Variants in CCDC136 observed in about 807,000 individuals in gnomAD.
CCDC136 encodes the protein coiled-coil domain-containing protein 136.
Under a neutral mutation model 141.2 loss-of-function variants are expected in CCDC136, and 100 were observed. The observed-to-expected ratio is 0.71, with a 90% CI of 0.60 to 0.84. The LOEUF (loss-of-function observed/expected upper bound fraction) is 0.84. Ranked by LOEUF, CCDC136 falls within the 40% of genes least tolerant of loss-of-function variation. CCDC136 has a pLI of 0.00. For missense variants in CCDC136, 1,206 were observed against 1,379.4 expected, an observed-to-expected ratio of 0.87 and a Z score of 1.99; for synonymous variants, 474 against 531.9, an observed-to-expected ratio of 0.89 and a Z score of 1.50.
chr7:128,803,176 A>G (rs994855932), intron 4 of CCDC136, among the ~76,000 whole-genome samples: 7 of 152,062 alleles, frequency 4.6e-5, no homozygotes, highest in African/African-American at 1.2e-4. Flanking sequence ...TTCTTTTTCA[A>G]TTTTTTGCTA....
Position 128,821,704 on chromosome 7 carries a change from C to A in CCDC136, c.*6-95C>A. 2.1e-6 allele frequency: 2 copies of A among 941,992 alleles called. No homozygotes were observed. Among genetic ancestry groups the A allele is most frequent in the Non-Finnish European group, 2.9e-6 (2 of 678,386 alleles). The allele number at this position is 941,992 out of a possible 1,614,324, so 58.4% of individuals were successfully genotyped here. A position where few individuals can be genotyped will look rare whatever the true frequency, so the allele number is the denominator to read the frequency against. ...GTAACAGAGACTGATCCACAATGTTCCTGAGGTGTCTTGGGCACCCATAGG... is the reference window on the plus strand; with the variant it reads ...GTAACAGAGACTGATCCACAATGTTACTGAGGTGTCTTGGGCACCCATAGG... On this transcript the variant is annotated intron_variant, in intron 17 of 17. Transcript: ENST00000297788. The surrounding 1 kb of genome is among the most constrained non-coding windows in gnomAD (Gnocchi z 5.1).
rs747644635 is a variant in CCDC136 at position 128,818,612 on chromosome 7, G to C, written c.*5+748G>C. ...GGCTTCCCCAGCTAGGTTTTCTGGA[G>C]AGAATGAGGTATTAGTGAAAAGTTT... On this transcript the variant is annotated intron_variant, in intron 17 of 17. Coordinates refer to ENST00000297788, the MANE Select transcript of CCDC136 (RefSeq NM_022742.5). Among the ~76,000 whole-genome samples, 17 of 152,294 alleles carry C rather than the reference G, an allele frequency of 1.1e-4. 1 individual carries two copies. The highest frequency in any genetic ancestry group is 3.4e-3 in the Middle Eastern group (1 of 294).
chr7:128,814,958 G>C, intron 15 of CCDC136, 39 bp downstream of exon 15: 1 of 1,494,694 alleles, frequency 6.7e-7, no homozygotes, highest in Non-Finnish European at 9.0e-7. Flanking sequence ...GCAGAAAGGA[G>C]GAGGAGATCC....
At position 128,812,310 on chromosome 7, in the gene CCDC136, G is replaced by T; in HGVS notation, c.2539G>T (p.Glu847Ter). ...GGAACCTGCTGAGCCTGAAGACATGGAGGTAATGGTTGCCAGGTGACAGGT... is the reference window on the plus strand; with the variant it reads ...GGAACCTGCTGAGCCTGAAGACATGTAGGTAATGGTTGCCAGGTGACAGGT... ...DEEPAEPEDM[E>*]RFEEMVVKVL... The change falls in exon 13 of 18, where the codon GAG becomes TAG. Residue 847 changes from glutamate (E) to a stop codon, truncating the protein, a stop_gained and splice_region_variant. Transcript: ENST00000297788. LOFTEE classifies it high-confidence loss of function. 6.2e-7 allele frequency: 1 copy of T among 1,610,184 alleles called. No individual in the cohort carries two copies. Among genetic ancestry groups the T allele is most frequent in the African/African-American group, 1.3e-5 (1 of 74,990 alleles).
Position 128,815,675 on chromosome 7 carries a change from A to T in CCDC136, c.3107A>T (p.Glu1036Val), listed in dbSNP as rs377595539. The T allele has an allele frequency of 5.1e-6, 8 of 1,555,578 alleles. No individual in the cohort carries two copies. The African/African-American group carries it at 1.1e-4, about 21-fold the overall frequency. ...AGGAAATTAGATGGACTAGCAAAAG[A>T]GGAGGAAAAGAAAGAGGAGATGGAG... is the stretch of plus-strand genomic sequence containing the variant. The part of the protein sequence containing the change: ...SQRKLDGLAK[E>V]EEKKEEMEEE... The change falls in exon 16 of 18, where the codon GAG becomes GTG. Residue 1036 changes from glutamate to valine, a missense_variant. Coordinates refer to ENST00000297788, the MANE Select transcript of CCDC136 (RefSeq NM_022742.5).
At chr7:128,813,488 G>C (rs556567556) in intron 14 of CCDC136, among the ~76,000 whole-genome samples, 1 of 152,252 alleles carries the variant, frequency 6.6e-6, no homozygotes, top group South Asian at 2.1e-4. Context: ...GGCTAGTATT[G>C]GTACCTACTG....
intron 3 of CCDC136, among the ~76,000 whole-genome samples, chr7:128,798,581 A>G (rs1803475132): frequency 6.6e-6 from 1 of 152,002 alleles, no homozygotes; most frequent in Non-Finnish European, 1.5e-5. Flanking sequence ...GGCCAGAAGC[A>G]CCTAAGAGAG....
intron 15 of CCDC136, 26 bp from the exon 16 acceptor site, chr7:128,815,588 C>G: frequency 2.6e-6 from 4 of 1,535,402 alleles, no homozygotes; most frequent in Non-Finnish European, 3.5e-6. Context: ...ACGCAGCCGC[C>G]ATCCTGCCCT....
chr7:128,805,793 A>G lies in CCDC136; in HGVS notation c.981A>G (p.Leu327=). 3.1e-6 allele frequency: 5 copies of G among 1,613,268 alleles called. No homozygotes were observed. The highest frequency in any genetic ancestry group is 4.2e-6 in the Non-Finnish European group (5 of 1,179,596). ...CQELCCELEE[L]QHHRQVSEEE... ...AATTGTGTTGTGAGTTGGAAGAGCT[A>G]CAGCATCATCGCCAGGTCAGTGAGG... Residue 327 remains leucine, a synonymous_variant, in exon 7 of 18, where the codon CTA becomes CTG. Coordinates refer to ENST00000297788, the MANE Select transcript of CCDC136 (RefSeq NM_022742.5). This position sits in a 1 kb window ranked among gnomAD's most constrained non-coding sequence, Gnocchi z 4.6.
chr7:128,794,160 G>A lies in CCDC136; in HGVS notation c.17-188G>A. 1.3e-6 allele frequency: 1 copy of A among 741,666 alleles called. No individual in the cohort carries two copies. Among genetic ancestry groups the A allele is most frequent in the Non-Finnish European group, 2.3e-6 (1 of 427,070 alleles). 45.9% of individuals were successfully genotyped at this position (741,666 alleles called of 1,614,324 possible). On this transcript the variant is annotated intron_variant, in intron 1 of 17. Coordinates refer to ENST00000297788, the MANE Select transcript of CCDC136 (RefSeq NM_022742.5). This position sits in a 1 kb window ranked among gnomAD's most constrained non-coding sequence, Gnocchi z 4.3. ...GAAGGGCCTGGGAGGTGGAGGGGCT[G>A]CTTCTCAACTTGACTCTCACACCTG...
At chr7:128,796,737 A>ATTTTTTT in intron 3 of CCDC136, among the ~76,000 whole-genome samples, 1 of 119,116 alleles carries the variant, frequency 8.4e-6, no homozygotes, top group Non-Finnish European at 1.6e-5. Context: ...ATATATATAT[A>ATTTTTTT]TATTCTTTTT....
At chr7:128,813,868 G>A (rs1256103945) in intron 14 of CCDC136, among the ~76,000 whole-genome samples, 4 of 152,046 alleles carry the variant, frequency 2.6e-5, no homozygotes, top group Non-Finnish European at 4.4e-5. Context: ...TGTAATGCCA[G>A]CTACTCAAGA....
In CCDC136 at chr7:128,805,682, C is replaced by T; in HGVS notation, c.949-79C>T. The T allele has an allele frequency of 6.3e-7, 1 of 1,585,886 alleles. No homozygotes were observed. The highest frequency in any genetic ancestry group is 8.6e-7 in the Non-Finnish European group (1 of 1,161,524). ...TGTAAATCTTCCAGTCAAAGAGCGC[C>T]ATGCTTTCCCCAAGCTTGTTCTTGG... On this transcript the variant is annotated intron_variant, in intron 6 of 17. Coordinates refer to ENST00000297788, the MANE Select transcript of CCDC136 (RefSeq NM_022742.5). This position sits in a 1 kb window ranked among gnomAD's most constrained non-coding sequence, Gnocchi z 4.6.
rs889618040 is a variant in CCDC136 at position 128,809,757 on chromosome 7, C to A, written c.1800+113C>A. ...ATTGAACTTTTTCTCTTACCAACCACTCCTTACTTTCTCACCACTCTCCCC... is the reference window on the plus strand; with the variant it reads ...ATTGAACTTTTTCTCTTACCAACCAATCCTTACTTTCTCACCACTCTCCCC... On this transcript the variant is annotated intron_variant, in intron 11 of 17. Transcript: ENST00000297788. 3.0e-5 allele frequency: 23 copies of A among 778,872 alleles called. No individual in the cohort carries two copies. In the Admixed American group the frequency reaches 5.7e-4, roughly 19 times the overall value. 48.2% of individuals were successfully genotyped at this position (778,872 alleles called of 1,614,324 possible). A position where few individuals can be genotyped will look rare whatever the true frequency, so the allele number is the denominator to read the frequency against.
At chr7:128,814,394 GT>G (rs772148021) in intron 14 of CCDC136, among the ~76,000 whole-genome samples, 1 of 152,116 alleles carries the variant, frequency 6.6e-6, no homozygotes, top group African/African-American at 2.4e-5. Context: ...GCGCCCTGCC[GT>G]TTTTTTCATC....
chr7:128,811,734 G>T, intron 12 of CCDC136, 66 bp from the exon 13 acceptor site: 1 of 1,406,004 alleles, frequency 7.1e-7, no homozygotes, highest in Non-Finnish European at 9.7e-7. Flanking sequence ...TCTGTACCAG[G>T]AGAGGTGCAG....
At chr7:128,790,771 C>T (rs1403830952), upstream of CCDC136, 3 of 152,150 alleles carry the variant, frequency 2.0e-5, no homozygotes, top group Non-Finnish European at 2.9e-5. The surrounding 1 kb of genome is among the most constrained non-coding windows in gnomAD (Gnocchi z 5.4). Context: ...GTCTTCCGGC[C>T]CTGAGGCTTG....
In CCDC136 at chr7:128,817,710, A is replaced by G. The variant is rs780647118; in HGVS notation, c.3364-48A>G. 7.8e-7 allele frequency: 1 copy of G among 1,274,038 alleles called. No individual in the cohort carries two copies. Among genetic ancestry groups the G allele is most frequent in the Non-Finnish European group, 1.1e-6 (1 of 869,892 alleles). 78.9% of individuals were successfully genotyped at this position (1,274,038 alleles called of 1,614,324 possible). Reference sequence around the variant, plus strand: ...TTGGATCCATGCGTTTATGTCTCACATCTCCTGGTCTCTCCTCGTGCTTCT... The same window carrying G: ...TTGGATCCATGCGTTTATGTCTCACGTCTCCTGGTCTCTCCTCGTGCTTCT... On this transcript the variant is annotated intron_variant, in intron 16 of 17. Transcript: ENST00000297788. The surrounding 1 kb of genome is among the most constrained non-coding windows in gnomAD (Gnocchi z 4.6).
rs574367174 is a variant in CCDC136, at chr7:128,797,181, G to C, written c.346+2413G>C. ...TATTGAATTGGGAAAGACTTGGCAA[G>C]GGGTAAGTTTTGGGGCTAGGGGAGC... On this transcript the variant is annotated intron_variant, in intron 3 of 17. Transcript: ENST00000297788. Among the ~76,000 whole-genome samples the C allele has an allele frequency of 7.9e-5, 12 of 152,340 alleles. No homozygotes were observed. In the East Asian group the frequency reaches 2.3e-3, roughly 29 times the overall value.
Sources: allele counts gnomAD v4.1 joint callset (sites outside exome capture counted in the v4.1 genomes callset), GRCh38; gene constraint gnomAD v4.1.1; non-coding constraint Gnocchi (gnomAD v3.1); transcripts MANE v1.5; gene names NCBI Gene and HGNC (gene_info 2026-07-23, HGNC 2026-07-21).